Variants in DHRSX observed in about 807,000 individuals in gnomAD.
DHRSX encodes dehydrogenase/reductase X-linked, also known as polyprenol dehydrogenase.
DHRSX carries 31 observed loss-of-function variants against 34.0 expected under a neutral mutation model. The observed-to-expected ratio is 0.91, with a 90% confidence interval of 0.69 to 1.23. The LOEUF (loss-of-function observed/expected upper bound fraction) is 1.23, where lower values mean the gene tolerates loss of function less well. Ranked by LOEUF, DHRSX falls within the 50% of genes most tolerant of loss-of-function variation. The pLI, the probability that DHRSX is intolerant of heterozygous loss-of-function variation, is 0.00. For synonymous variants in DHRSX, 201 were observed against 183.8 expected (o/e 1.09, Z -0.76); for missense variants, 414 against 428.1 (o/e 0.97, Z 0.29).
chrX:2,352,636 G>C (rs1481238193), intron 3 of DHRSX, among the ~76,000 whole-genome samples: 2 of 152,144 alleles, frequency 1.3e-5, no homozygotes, highest in Non-Finnish European at 2.9e-5. Context: ...GGGCTGCCTT[G>C]CTGGAACTTA....
At chrX:2,344,025 T>C (rs62583722) in intron 3 of DHRSX, among the ~76,000 whole-genome samples, 117,122 of 151,882 alleles carry the variant, frequency 0.77, 46,385 homozygotes, top group African/African-American at 0.86. Flanking sequence ...CCGTGCATCT[T>C]GGGGCTTCTG....
chrX:2,405,538 G>T (rs1461650487), intron 3 of DHRSX, among the ~76,000 whole-genome samples: 1 of 151,910 alleles, frequency 6.6e-6, no homozygotes, highest in Admixed American at 6.6e-5. Flanking sequence ...AGGCACAGTG[G>T]CTCACACCTA....
chrX:2,228,746 C>A (rs973433271), intron 6 of DHRSX, among the ~76,000 whole-genome samples: 1 of 152,032 alleles, frequency 6.6e-6, no homozygotes, highest in African/African-American at 2.4e-5. Context: ...TTTGTTAGAG[C>A]TCCTGTTCTC....
chrX:2,302,887 C>T (rs1052469969), intron 3 of DHRSX, among the ~76,000 whole-genome samples: 9 of 151,914 alleles, frequency 5.9e-5, no homozygotes, highest in South Asian at 2.1e-4. Context: ...ATTGTATCTA[C>T]GGCAGTTATC....
chrX:2,257,116 C>A (rs754322925), intron 5 of DHRSX, among the ~76,000 whole-genome samples: 3 of 152,060 alleles, frequency 2.0e-5, no homozygotes, highest in Admixed American at 2.0e-4. Flanking sequence ...CCCCCACGCC[C>A]AGCTAATTTT....
intron 3 of DHRSX, among the ~76,000 whole-genome samples, chrX:2,392,668 T>C (rs1212478813): frequency 6.9e-6 from 1 of 145,932 alleles, no homozygotes; most frequent in Non-Finnish European, 1.5e-5. Flanking sequence ...TATAAAATAA[T>C]ATATACATAA....
At chrX:2,485,917 A>C (rs902910824) in intron 1 of DHRSX, among the ~76,000 whole-genome samples, 1 of 146,136 alleles carries the variant, frequency 6.8e-6, no homozygotes, top group Admixed American at 6.8e-5. Flanking sequence ...GGAAGGAAGG[A>C]AGGAAAGAAG....
chrX:2,321,824 C>T (rs1261108422), intron 3 of DHRSX, among the ~76,000 whole-genome samples: 2 of 152,044 alleles, frequency 1.3e-5, no homozygotes, highest in African/African-American at 4.8e-5. Context: ...CCAGCAAGAC[C>T]AATCCCTCCT....
intron 1 of DHRSX, among the ~76,000 whole-genome samples, chrX:2,444,648 T>C (rs1444287048): frequency 6.6e-6 from 1 of 151,902 alleles, no homozygotes; most frequent in Non-Finnish European, 1.5e-5. Context: ...CTGGGAAACA[T>C]AGTGAGACGC....
intron 6 of DHRSX, among the ~76,000 whole-genome samples, chrX:2,239,661 C>T (rs2124421925): frequency 6.6e-6 from 1 of 152,018 alleles, no homozygotes; most frequent in Admixed American, 6.6e-5. Flanking sequence ...CCCATTTACT[C>T]GGGAGGCTGA....
chrX:2,242,639 C>T (rs1004345204), intron 6 of DHRSX, among the ~76,000 whole-genome samples: 2 of 152,038 alleles, frequency 1.3e-5, no homozygotes, highest in Admixed American at 6.6e-5. Flanking sequence ...AGCAAAATGG[C>T]GACAAGAGTG....
chrX:2,240,844 A>C (rs1177644231), intron 6 of DHRSX, among the ~76,000 whole-genome samples: 1 of 152,132 alleles, frequency 6.6e-6, no homozygotes, highest in African/African-American at 2.4e-5. Context: ...GATAGATAGG[A>C]AAGAAAGTAA....
chrX:2,379,722 A>C (rs1266403017), intron 3 of DHRSX, among the ~76,000 whole-genome samples: 1 of 151,520 alleles, frequency 6.6e-6, no homozygotes, highest in Non-Finnish European at 1.5e-5. Context: ...TCCAAAACAC[A>C]TTAAGGCCAG....
chrX:2,336,406 T>G (rs1256668230), intron 3 of DHRSX: 3 of 152,176 alleles, frequency 2.0e-5, no homozygotes, highest in Non-Finnish European at 4.4e-5. Flanking sequence ...GTCAGACATC[T>G]GCAGTAACAT....
At position 2,369,184 on chromosome X, in the gene DHRSX, G is replaced by A. The variant is rs777148568; in HGVS notation, c.286+39561C>T. On this transcript the variant is annotated intron_variant, in intron 3 of 6. Transcript: ENST00000334651. The stretch of plus-strand genomic sequence containing the variant: ...CTTCTGCGGTTGAAACTTCCCCCCA[G>A]CCAGCATTTCATGTTGAGAGACAGT... Among the ~76,000 whole-genome samples, 8 of 152,252 alleles carry A rather than the reference G, an allele frequency of 5.3e-5. No homozygotes were observed. In the East Asian group the frequency reaches 1.6e-3, roughly 30 times the overall value.
At chrX:2,265,534 G>A (rs1292984535) in intron 5 of DHRSX, among the ~76,000 whole-genome samples, 6 of 135,180 alleles carry the variant, frequency 4.4e-5, no homozygotes, top group Non-Finnish European at 9.5e-5. Flanking sequence ...CAGATGCAGG[G>A]AGCACTGTCC....
intron 1 of DHRSX, among the ~76,000 whole-genome samples, chrX:2,472,087 G>A (rs1473765089): frequency 2.7e-5 from 4 of 150,348 alleles, no homozygotes; most frequent in African/African-American, 9.8e-5. Flanking sequence ...GGTGGTAGCG[G>A]TGAGCCGAGA....
At position 2,247,526 on chromosome X, in the gene DHRSX, C is replaced by T. The variant is rs894197705; in HGVS notation, c.597-4296G>A. 4.6e-5 allele frequency among the ~76,000 whole-genome samples: 7 copies of T among 151,394 alleles called. No homozygotes were observed. The East Asian group carries it at 9.9e-4, about 21-fold the overall frequency. ...AAAATTACCCGGGCATGGTGGCGGG[C>T]GCCTGTAGTCCCAGCTACTCGGGAA... On this transcript the variant is annotated intron_variant, in intron 5 of 6. Coordinates refer to ENST00000334651, the MANE Select transcript of DHRSX (RefSeq NM_145177.3).
In DHRSX at chrX:2,236,963, C is replaced by T. The variant is rs770140221; in HGVS notation, c.804+6060G>A. Among the ~76,000 whole-genome samples, 6 of 151,810 alleles carry T rather than the reference C, an allele frequency of 4.0e-5. No homozygotes were observed. In the South Asian group the frequency reaches 1.0e-3, roughly 26 times the overall value. ...CAGCACTTCGGCAGGCCGAGGCAGG[C>T]GGCTCACTCGAGACTGTGAGTTCGA... On this transcript the variant is annotated intron_variant, in intron 6 of 6. Transcript: ENST00000334651.
Sources: gnomAD v4.1 joint callset for allele counts (sites outside exome capture counted in the v4.1 genomes callset) on GRCh38, gnomAD v4.1.1 for gene constraint, MANE v1.5 for transcripts, NCBI Gene and HGNC (gene_info 2026-07-23, HGNC 2026-07-21) for gene names.